Variants in HMCN1 observed in about 807,000 individuals in gnomAD.
HMCN1 encodes hemicentin 1.
A neutral mutation model predicts 625.9 loss-of-function variants in HMCN1; 321 were observed. The observed-to-expected ratio is 0.51, with a 90% confidence interval of 0.47 to 0.56. The LOEUF (loss-of-function observed/expected upper bound fraction) is 0.56. Ranked by LOEUF, HMCN1 falls within the 20% of genes least tolerant of loss-of-function variation. The pLI, the probability that HMCN1 is intolerant of heterozygous loss-of-function variation, is 0.00. For synonymous variants in HMCN1, 2,425 were observed against 2,417.6 expected (o/e 1.00, Z -0.09); for missense variants, 6,588 against 6,887.3 (o/e 0.96, Z 1.54).
In HMCN1 at chr1:186,189,758, A is replaced by G. The variant is rs1476027835; in HGVS notation, c.16788A>G (p.Pro5596=). ...AAGGAGTGGTGTATACAACACGACCACTACGAGAAGCAGAGACCTACCGCA... is the reference window on the plus strand; with the variant it reads ...AAGGAGTGGTGTATACAACACGACCGCTACGAGAAGCAGAGACCTACCGCA... ...NLKGVVYTTR[P]LREAETYRMR... Residue 5596 remains proline, a synonymous_variant, in exon 107 of 107, where the codon CCA becomes CCG. Coordinates refer to ENST00000271588, the MANE Select transcript of HMCN1 (RefSeq NM_031935.3). 1 of 1,613,588 alleles carries G rather than the reference A, an allele frequency of 6.2e-7. No homozygotes were observed. Among genetic ancestry groups the G allele is most frequent in the African/African-American group, 1.3e-5 (1 of 74,892 alleles).
At position 186,174,586 on chromosome 1, in the gene HMCN1, A is replaced by C. The variant is rs755107522; in HGVS notation, c.15887A>C (p.Tyr5296Ser). The change falls in exon 103 of 107, where the codon TAT becomes TCT. Residue 5296 changes from tyrosine to serine, a missense_variant. Transcript: ENST00000271588. ...NQICENTRGS[Y>S]RCVCPRGYRS... ...ATATGTGAGAATACAAGAGGCAGCT[A>C]TCGTTGTGTATGCCCAAGAGGTTAT... is the stretch of plus-strand genomic sequence containing the variant. The C allele has an allele frequency of 1.2e-6, 2 of 1,613,842 alleles. No homozygotes were observed. The highest frequency in any genetic ancestry group is 1.3e-5 in the African/African-American group (1 of 74,940).
intron 103 of HMCN1, chr1:186,177,031 G>C (rs946333446): frequency 6.8e-6 from 1 of 146,682 alleles, no homozygotes; most frequent in Non-Finnish European, 1.5e-5. Flanking sequence ...TTAGCTGGGC[G>C]TGGTGGGACA....
chr1:186,144,575 C>G lies in HMCN1; in HGVS notation c.14138C>G (p.Ser4713Cys). 1 of 1,614,028 alleles carries G rather than the reference C, an allele frequency of 6.2e-7. No homozygotes were observed. The highest frequency in any genetic ancestry group is 1.7e-4 in the Middle Eastern group (1 of 6,060). Residue 4713 changes from serine (S) to cysteine (C), a missense_variant, in exon 91 of 107, where the codon TCT becomes TGT. By Grantham distance (112) the Ser-to-Cys change is moderately radical (BLOSUM62 -1). Coordinates refer to ENST00000271588, the MANE Select transcript of HMCN1 (RefSeq NM_031935.3). Reference sequence around the variant, plus strand: ...ACTTGGGCCAGTTGGAGTGCCTGTTCTGTGTCATGTGGAGGAGGTGCCAGA... The same window carrying G: ...ACTTGGGCCAGTTGGAGTGCCTGTTGTGTGTCATGTGGAGGAGGTGCCAGA... ...WATWASWSAC[S>C]VSCGGGARQR...
At chr1:186,111,892 T>C (rs915944347) in intron 71 of HMCN1, among the ~76,000 whole-genome samples, 2 of 152,170 alleles carry the variant, frequency 1.3e-5, no homozygotes, top group Admixed American at 1.3e-4. Flanking sequence ...CAATGTTTTC[T>C]TAGAAAGATA....
chr1:185,985,500 A>G (rs996687661), intron 19 of HMCN1, among the ~76,000 whole-genome samples: 2 of 152,172 alleles, frequency 1.3e-5, no homozygotes, highest in Non-Finnish European at 2.9e-5. Flanking sequence ...GACAGGATTA[A>G]TTAGGATGTC....
At chr1:185,943,277 A>G (rs1410462581) in intron 11 of HMCN1, among the ~76,000 whole-genome samples, 1 of 152,186 alleles carries the variant, frequency 6.6e-6, no homozygotes, top group Non-Finnish European at 1.5e-5. Context: ...GCGACAAACT[A>G]TGACTTATGA....
At chr1:185,820,393 C>T (rs1660113261) in intron 1 of HMCN1, among the ~76,000 whole-genome samples, 1 of 152,010 alleles carries the variant, frequency 6.6e-6, no homozygotes, top group African/African-American at 2.4e-5. Flanking sequence ...TAAGGCGTTC[C>T]TCATTCATGT....
intron 33 of HMCN1, 66 bp downstream of exon 33, chr1:186,017,137 T>C: frequency 1.2e-6 from 1 of 825,738 alleles, no homozygotes; most frequent in Admixed American, 1.7e-5. Context: ...AGAGCTATCT[T>C]GAAAGCTGTT....
chr1:186,178,475 G>C lies in HMCN1; in HGVS notation c.16003G>C (p.Gly5335Arg). The change falls in exon 104 of 107, where the codon GGC becomes CGC. Residue 5335 changes from glycine to arginine, a missense_variant. Around this residue, in one of 3 missense-constraint regions of HMCN1, gnomAD observed 1,954 missense variants for 2,013.1 expected, o/e 0.97. Transcript: ENST00000271588. Reference protein sequence around the residue: ...PCAHQCSNTPGSFKCICPPGQ... With the variant: ...PCAHQCSNTPRSFKCICPPGQ... ...TGCACATCAGTGCTCCAACACCCCCGGCAGCTTCAAGTGTATCTGTCCACC... is the reference window on the plus strand; with the variant it reads ...TGCACATCAGTGCTCCAACACCCCCCGCAGCTTCAAGTGTATCTGTCCACC... 2 of 1,613,890 alleles carry C rather than the reference G, an allele frequency of 1.2e-6. No individual in the cohort carries two copies. The highest frequency in any genetic ancestry group is 1.7e-6 in the Non-Finnish European group (2 of 1,179,936).
chr1:185,748,755 C>T (rs139328420), intron 1 of HMCN1, among the ~76,000 whole-genome samples: 1 of 152,142 alleles, frequency 6.6e-6, no homozygotes, highest in African/African-American at 2.4e-5. Context: ...GTGAGAATAA[C>T]AATCATACTT....
At chr1:186,089,673 C>T (rs1274260010) in intron 63 of HMCN1, among the ~76,000 whole-genome samples, 1 of 151,982 alleles carries the variant, frequency 6.6e-6, no homozygotes, top group East Asian at 1.9e-4. Context: ...AAACATTTTA[C>T]CAGATTTTTA....
At chr1:186,175,957 G>A (rs890105123) in intron 103 of HMCN1, among the ~76,000 whole-genome samples, 15 of 151,288 alleles carry the variant, frequency 9.9e-5, no homozygotes, top group African/African-American at 3.2e-4. Context: ...AAAGAGAAAG[G>A]AGTTAAAGTA....
rs143113886 is a variant in HMCN1, at chr1:185,814,900, C to G, written c.269-31126C>G. 8.5e-3 allele frequency among the ~76,000 whole-genome samples: 1,278 copies of G among 149,700 alleles called. 137 individuals are homozygous for G. The highest frequency in any genetic ancestry group is 0.032 in the African/African-American group (1,235 of 39,198). On this transcript the variant is annotated intron_variant, in intron 1 of 106. Coordinates refer to ENST00000271588, the MANE Select transcript of HMCN1 (RefSeq NM_031935.3). ...AGAGATGGGGTTTCACCATGTTAGC[C>G]AAGCTGGTCTTAAACTCCTGACCTC...
rs1299137273 is a variant in HMCN1 at position 185,911,691 on chromosome 1, G to A, written c.811G>A (p.Gly271Arg). 20 of 1,612,210 alleles carry A rather than the reference G, an allele frequency of 1.2e-5. No individual in the cohort carries two copies. The highest frequency in any genetic ancestry group is 1.6e-5 in the Non-Finnish European group (19 of 1,178,462). Residue 271 changes from glycine to arginine, a missense_variant, in exon 6 of 107, where the codon GGA becomes AGA. Around this residue, in one of 3 missense-constraint regions of HMCN1, gnomAD observed 4,628 missense variants for 4,853.1 expected, o/e 0.95. Coordinates refer to ENST00000271588, the MANE Select transcript of HMCN1 (RefSeq NM_031935.3). ...RNPLGKLIKK[G>R]FGLHELLNIH... is the part of the protein sequence containing the mutation. Reference sequence around the variant, plus strand: ...TCTTTCAGGGAAGCTGATAAAAAAGGGATTTGGCCTGCATGAGCTATTAAA... The same window carrying A: ...TCTTTCAGGGAAGCTGATAAAAAAGAGATTTGGCCTGCATGAGCTATTAAA...
intron 4 of HMCN1, among the ~76,000 whole-genome samples, chr1:185,907,432 C>T (rs1666157401): frequency 6.6e-6 from 1 of 151,862 alleles, no homozygotes; most frequent in South Asian, 2.1e-4. Context: ...ATGTCATAGC[C>T]TGACTTTATG....
chr1:186,146,070 G>A (rs951983460), intron 93 of HMCN1, 147 bp downstream of exon 93: 1 of 823,674 alleles, frequency 1.2e-6, no homozygotes, highest in African/African-American at 1.7e-5. Flanking sequence ...AATTGGTACA[G>A]TTCTGTATCA....
Position 186,088,748 on chromosome 1 carries a change from A to T in HMCN1, c.9720A>T (p.Ser3240=), listed in dbSNP as rs745784876. 1.5e-4 allele frequency: 248 copies of T among 1,606,936 alleles called. No individual in the cohort carries two copies. The highest frequency in any genetic ancestry group is 5.6e-5 in the Non-Finnish European group (66 of 1,175,438). ...EGKAQKYYFL[S]IQVPPSVAGA... ...AAGCCCAGAAATATTACTTTCTTTC[A>T]ATTCAAGGTATGTATTGTCCACTAT... The change falls in exon 63 of 107, where the codon TCA becomes TCT. Residue 3240 remains serine (S), a synonymous_variant. Transcript: ENST00000271588.
intron 1 of HMCN1, among the ~76,000 whole-genome samples, chr1:185,763,150 C>T (rs979137089): frequency 5.9e-5 from 9 of 152,116 alleles, no homozygotes; most frequent in East Asian, 3.9e-4. Flanking sequence ...CTATTTTCTG[C>T]GGCAAAATGT....
chr1:186,068,536 CA>C (rs1327744702), intron 50 of HMCN1, among the ~76,000 whole-genome samples: 8 of 152,122 alleles, frequency 5.3e-5, no homozygotes, highest in Non-Finnish European at 4.4e-5. Context: ...TCTGAATAGT[CA>C]GGGGGTATGA....
Sources: allele counts gnomAD v4.1 joint callset (sites outside exome capture counted in the v4.1 genomes callset), GRCh38; gene constraint gnomAD v4.1.1; regional missense constraint gnomAD v4.1.1; transcripts MANE v1.5; gene names NCBI Gene and HGNC (gene_info 2026-07-23, HGNC 2026-07-21).